KIF26B: variants seen among roughly 807,000 people sequenced by gnomAD.
KIF26B encodes kinesin-like protein KIF26B.
Under a neutral mutation model 151.2 loss-of-function variants are expected in KIF26B, and 63 were observed. The ratio of observed to expected loss-of-function variants is 0.42; its 90% CI spans 0.34 to 0.51. The LOEUF is 0.51. Ranked by LOEUF, KIF26B falls within the 20% of genes least tolerant of loss-of-function variation. The probability of loss-of-function intolerance (pLI) is 0.07; values close to 1 mark genes in which losing one functional copy is unlikely to be tolerated. For missense variants in KIF26B, 2,813 were observed against 2,913.6 expected (o/e 0.97, Z 0.79); for synonymous variants, 1,357 against 1,262.1 (o/e 1.08, Z -1.59).
intron 2 of KIF26B, among the ~76,000 whole-genome samples, chr1:245,191,496 G>T (rs12049520): frequency 1.3e-5 from 2 of 152,018 alleles, no homozygotes; most frequent in East Asian, 3.9e-4. Flanking sequence ...AAACAAAAAG[G>T]ATTAAATATA....
chr1:245,494,363 G>A (rs9701424), intron 4 of KIF26B, among the ~76,000 whole-genome samples: 5,044 of 152,122 alleles, frequency 0.033, 134 homozygotes, highest in Non-Finnish European at 0.05. Flanking sequence ...GAGAAAAGGC[G>A]CTAGGAGATA....
At position 245,688,217 on chromosome 1, in the gene KIF26B, C is replaced by A; in HGVS notation, c.5234C>A (p.Ala1745Glu). Residue 1745 changes from alanine (A) to glutamate (E), a missense_variant, in exon 12 of 15, where the codon GCG (alanine) becomes GAG (glutamate). Ala to Glu is a moderately radical substitution (Grantham distance 107, BLOSUM62 -1). Around this residue, in one of 3 missense-constraint regions of KIF26B, gnomAD observed 2,060 missense variants for 2,088.6 expected, o/e 0.99. Transcript: ENST00000407071. ...AGACTCCTCCTGGCCAGCCCCAGAG[C>A]GCGCGGCCCGTCCGCCTCCACCACC... is the stretch of plus-strand genomic sequence containing the variant. Reference protein sequence around the residue: ...VSRLLLASPRARGPSASTTKT... With the variant: ...VSRLLLASPRERGPSASTTKT... 6.3e-7 allele frequency: 1 copy of A among 1,588,044 alleles called. No homozygotes were observed.
intron 4 of KIF26B, among the ~76,000 whole-genome samples, chr1:245,450,371 A>G (rs1488706941): frequency 6.6e-6 from 1 of 152,184 alleles, no homozygotes; most frequent in Non-Finnish European, 1.5e-5. Context: ...CTGTTGCCTC[A>G]GGTGTTCTGA....
intron 3 of KIF26B, among the ~76,000 whole-genome samples, chr1:245,381,532 G>A (rs1673409181): frequency 6.6e-6 from 1 of 152,104 alleles, no homozygotes. Context: ...ATTAGTGTCA[G>A]TGTTTTTTAA....
At chr1:245,179,779 A>G (rs894870745) in intron 2 of KIF26B, among the ~76,000 whole-genome samples, 1 of 152,228 alleles carries the variant, frequency 6.6e-6, no homozygotes. Flanking sequence ...GAGGTGTCAG[A>G]AAGACCAGGG....
In KIF26B at chr1:245,156,309, C is replaced by T. The variant is rs924851806; in HGVS notation, c.91C>T (p.Pro31Ser). ...GVNEVCSPTKPAAPFSPESWY... is the reference protein window; with the variant it reads ...GVNEVCSPTKSAAPFSPESWY... ...GAATGAAGTCTGCTCGCCCACCAAG[C>T]CCGCAGCGCCCTTCTCCCCGGAAAG... is the stretch of plus-strand genomic sequence containing the variant. Residue 31 changes from proline to serine, a missense_variant, in exon 2 of 15, where the codon CCC (proline) becomes TCC (serine). Transcript: ENST00000407071. The T allele has an allele frequency of 1.3e-6, 2 of 1,547,392 alleles. No individual in the cohort carries two copies. Among genetic ancestry groups the T allele is most frequent in the Admixed American group, 3.9e-5 (2 of 50,920 alleles).
chr1:245,387,997 A>T (rs1424743997), intron 3 of KIF26B, among the ~76,000 whole-genome samples: 3 of 151,714 alleles, frequency 2.0e-5, no homozygotes. Context: ...CCATTTTGAA[A>T]CCTCTGGTTC....
intron 2 of KIF26B, among the ~76,000 whole-genome samples, chr1:245,302,941 A>C (rs1363864047): frequency 7.8e-6 from 1 of 128,830 alleles, no homozygotes; most frequent in African/African-American, 3.0e-5. Flanking sequence ...GTGAGCCAAG[A>C]TCGTGCCATT....
At position 245,417,936 on chromosome 1, in the gene KIF26B, A is replaced by G. The variant is rs186399716; in HGVS notation, c.1000-1643A>G. Among the ~76,000 whole-genome samples the G allele has an allele frequency of 1.4e-3, 208 of 152,158 alleles. 1 individual carries two copies. Among genetic ancestry groups the G allele is most frequent in the Non-Finnish European group, 2.5e-3 (170 of 68,030 alleles). The stretch of plus-strand genomic sequence containing the variant: ...ACCCAGGCAGAGTGGCTTGTTTCAC[A>G]TGTCACGGTGTGTCAAAATCAGATG... On this transcript the variant is annotated intron_variant, in intron 3 of 14. Coordinates refer to ENST00000407071, the MANE Select transcript of KIF26B (RefSeq NM_018012.4).
intron 10 of KIF26B, among the ~76,000 whole-genome samples, chr1:245,682,737 G>C (rs979518028): frequency 6.6e-6 from 1 of 152,052 alleles, no homozygotes; most frequent in Non-Finnish European, 1.5e-5. Context: ...TAACTGAGCA[G>C]AACTCACCCT....
At chr1:245,633,299 AAATC>A (rs962248456) in intron 9 of KIF26B, among the ~76,000 whole-genome samples, 9 of 150,604 alleles carry the variant, frequency 6.0e-5, no homozygotes, top group African/African-American at 2.2e-4. Flanking sequence ...TTTTTTAAAT[AAATC>A]CATTCATCTT....
At chr1:245,305,052 C>T (rs958295277) in intron 2 of KIF26B, among the ~76,000 whole-genome samples, 6 of 152,104 alleles carry the variant, frequency 3.9e-5, no homozygotes, top group African/African-American at 1.4e-4. Context: ...GACATGGAAA[C>T]ATTTTTAAGC....
In KIF26B at chr1:245,688,118, G is replaced by A. The variant is rs768213465; in HGVS notation, c.5135G>A (p.Arg1712His). The A allele has an allele frequency of 8.3e-6, 13 of 1,568,444 alleles. No homozygotes were observed. Among genetic ancestry groups the A allele is most frequent in the East Asian group, 2.3e-5 (1 of 42,700 alleles). Residue 1712 changes from arginine to histidine, a missense_variant, in exon 12 of 15, where the codon CGC (arginine) becomes CAC (histidine). Coordinates refer to ENST00000407071, the MANE Select transcript of KIF26B (RefSeq NM_018012.4). ...CCCCGCGCGGGGAGGAGCCTGGGCC[G>A]CAGCGCCGGGACCTCGCCCCCCAGC... The part of the protein sequence containing the change: ...TMPRAGRSLG[R>H]SAGTSPPSSG...
intron 2 of KIF26B, among the ~76,000 whole-genome samples, chr1:245,219,111 T>C (rs1320533963): frequency 7.3e-6 from 1 of 137,316 alleles, no homozygotes; most frequent in Admixed American, 7.5e-5. Context: ...ACACAGGAGG[T>C]AGCAAATACC....
intron 2 of KIF26B, among the ~76,000 whole-genome samples, chr1:245,236,703 A>G (rs891842793): frequency 2.6e-5 from 4 of 152,298 alleles, no homozygotes; most frequent in Middle Eastern, 3.4e-3. Context: ...CCTGAAAACA[A>G]TGGAGTGTAG....
rs1427131415 is a variant in KIF26B, at chr1:245,516,467, A to C, written c.1167-24300A>C. Among the ~76,000 whole-genome samples the C allele has an allele frequency of 1.3e-5, 2 of 152,172 alleles. No homozygotes were observed. Among genetic ancestry groups the C allele is most frequent in the South Asian group, 2.1e-4 (1 of 4,824 alleles). ...GTATGTATTGATATCACATGCGTCTATATGAACGCCCCGCTGCAGCTGCCT... is the reference window on the plus strand; with the variant it reads ...GTATGTATTGATATCACATGCGTCTCTATGAACGCCCCGCTGCAGCTGCCT... On this transcript the variant is annotated intron_variant, in intron 4 of 14. Transcript: ENST00000407071. This position sits in a 1 kb window ranked among gnomAD's most constrained non-coding sequence, Gnocchi z 4.2.
In KIF26B at chr1:245,314,876, G is replaced by A. The variant is rs1330866401; in HGVS notation, c.466-51958G>A. On this transcript the variant is annotated intron_variant, in intron 2 of 14. Transcript: ENST00000407071. ...AATGGTAAAATGCTATTAGCATTAT[G>A]TACTTAAATTATTTGGCTTTAAGGC... is the stretch of plus-strand genomic sequence containing the variant. 3.9e-5 allele frequency among the ~76,000 whole-genome samples: 6 copies of A among 152,200 alleles called. No individual in the cohort carries two copies. In the East Asian group the frequency reaches 1.2e-3, roughly 29 times the overall value.
At chr1:245,190,491 C>T (rs1005435700) in intron 2 of KIF26B, among the ~76,000 whole-genome samples, 1 of 152,110 alleles carries the variant, frequency 6.6e-6, no homozygotes, top group Non-Finnish European at 1.5e-5. Flanking sequence ...CACGGCACTG[C>T]ACTTGCACTG....
chr1:245,348,016 A>G (rs1175221533), intron 2 of KIF26B, among the ~76,000 whole-genome samples: 1 of 152,236 alleles, frequency 6.6e-6, no homozygotes, highest in African/African-American at 2.4e-5. Flanking sequence ...CATAAGTGGT[A>G]TAAAATGGTC....
Sources: allele counts gnomAD v4.1 joint callset (sites outside exome capture counted in the v4.1 genomes callset), GRCh38; gene constraint gnomAD v4.1.1; regional missense constraint gnomAD v4.1.1; non-coding constraint Gnocchi (gnomAD v3.1); transcripts MANE v1.5; gene names NCBI Gene and HGNC (gene_info 2026-07-23, HGNC 2026-07-21).